The following FBXO15 variants were observed in gnomAD, a reference collection of about 807,000 sequenced individuals.
The protein encoded by FBXO15 is F-box only protein 15.
In FBXO15, 30 loss-of-function variants were observed where a neutral mutation model predicts 49.5. The observed-to-expected ratio is 0.61, with a 90% CI of 0.45 to 0.82. The LOEUF is 0.82. FBXO15 is among the 40% of genes least tolerant of loss of function. The pLI, the probability that FBXO15 is intolerant of heterozygous loss-of-function variation, is 0.00. For missense variants in FBXO15, 591 were observed against 631.5 expected (o/e 0.94, Z 0.69); for synonymous variants, 250 against 232.7 (o/e 1.07, Z -0.68).
At chr18:74,143,751 G>T (rs1979231679) in intron 1 of FBXO15, among the ~76,000 whole-genome samples, 1 of 152,156 alleles carries the variant, frequency 6.6e-6, no homozygotes, top group South Asian at 2.1e-4. Context: ...GTGTCTATAT[G>T]GCTTGCTCCC....
intron 3 of FBXO15, among the ~76,000 whole-genome samples, chr18:74,131,117 C>T (rs1352274281): frequency 6.6e-6 from 1 of 152,078 alleles, no homozygotes; most frequent in Non-Finnish European, 1.5e-5. Flanking sequence ...ACTCTTTTTG[C>T]TATTTTTTAA....
intron 9 of FBXO15, among the ~76,000 whole-genome samples, chr18:74,078,984 C>T (rs1218361166): frequency 6.6e-6 from 1 of 152,182 alleles, no homozygotes; most frequent in Non-Finnish European, 1.5e-5. Flanking sequence ...CCACGGCCAC[C>T]CACAACATGC....
At chr18:74,141,020 AT>A (rs1325075091) in intron 1 of FBXO15, among the ~76,000 whole-genome samples, 7 of 152,214 alleles carry the variant, frequency 4.6e-5, no homozygotes, top group African/African-American at 1.7e-4. Context: ...AAACTTTTAC[AT>A]TTTAACCTCT....
chr18:74,112,218 CA>C (rs2145167908), intron 8 of FBXO15, among the ~76,000 whole-genome samples: 1 of 152,066 alleles, frequency 6.6e-6, no homozygotes, highest in East Asian at 1.9e-4. Flanking sequence ...ATTTCGAAAC[CA>C]AAAACATTGC....
Position 74,118,055 on chromosome 18 carries a change from G to A in FBXO15, c.1138+5313C>T, listed in dbSNP as rs181454954. Reference sequence around the variant, plus strand: ...AGGGTCTTGCTCTGTTGCCCAGGCTGGAGTGCAGGGTCACAATCATGTCTC... The same window carrying A: ...AGGGTCTTGCTCTGTTGCCCAGGCTAGAGTGCAGGGTCACAATCATGTCTC... On this transcript the variant is annotated intron_variant, in intron 8 of 9. Coordinates refer to ENST00000419743, the MANE Select transcript of FBXO15 (RefSeq NM_001142958.2). Among the ~76,000 whole-genome samples, 813 of 150,036 alleles carry A rather than the reference G, an allele frequency of 5.4e-3. 3 individuals carry two copies. Among genetic ancestry groups the A allele is most frequent in the Admixed American group, 8.5e-3 (127 of 15,016 alleles).
chr18:74,077,767 G>A (rs995900935), intron 9 of FBXO15, among the ~76,000 whole-genome samples: 5 of 152,150 alleles, frequency 3.3e-5, no homozygotes. Flanking sequence ...TCCTGGAATG[G>A]GCATTACCAC....
chr18:74,124,410 G>A lies in FBXO15; in HGVS notation c.995+79C>T, dbSNP rs1018491897. The A allele has an allele frequency of 3.5e-6, 4 of 1,155,842 alleles. No individual in the cohort carries two copies. The African/African-American group carries it at 4.6e-5, about 13-fold the overall frequency. The allele number at this position is 1,155,842 out of a possible 1,614,324, so 71.6% of individuals were successfully genotyped here. On this transcript the variant is annotated intron_variant, in intron 7 of 9. Transcript: ENST00000419743. ...CAGAATATCTCTGCAGCTATTCTCAGGATATTAAGATGGCATCAACTTCTA... is the reference window on the plus strand; with the variant it reads ...CAGAATATCTCTGCAGCTATTCTCAAGATATTAAGATGGCATCAACTTCTA...
intron 8 of FBXO15, among the ~76,000 whole-genome samples, chr18:74,122,133 C>T (rs1914500252): frequency 6.6e-6 from 1 of 152,096 alleles, no homozygotes; most frequent in African/African-American, 2.4e-5. Flanking sequence ...CTTTCCAGAC[C>T]TCCCTTTCCT....
At chr18:74,120,424 T>C (rs1914424321) in intron 8 of FBXO15, among the ~76,000 whole-genome samples, 3 of 152,166 alleles carry the variant, frequency 2.0e-5, no homozygotes. Context: ...TTCTGGAACA[T>C]ACAACAAATT....
chr18:74,115,208 G>A (rs535829567), intron 8 of FBXO15, among the ~76,000 whole-genome samples: 5 of 152,334 alleles, frequency 3.3e-5, no homozygotes, highest in African/African-American at 9.6e-5. Context: ...GACACGAGCT[G>A]TTGCCTCAAA....
intron 8 of FBXO15, among the ~76,000 whole-genome samples, chr18:74,109,221 A>G (rs2051056066): frequency 6.6e-6 from 1 of 152,210 alleles, no homozygotes. Flanking sequence ...GCCAATAGAC[A>G]TATGAAAAAA....
chr18:74,110,146 T>A (rs1270067091), intron 8 of FBXO15, among the ~76,000 whole-genome samples: 1 of 146,434 alleles, frequency 6.8e-6, no homozygotes. Context: ...TATATTCTAA[T>A]ATATATACAT....
At chr18:74,102,949 AGGGGAAAGG>A (rs1350048156) in intron 8 of FBXO15, among the ~76,000 whole-genome samples, 1 of 152,018 alleles carries the variant, frequency 6.6e-6, no homozygotes, top group Non-Finnish European at 1.5e-5. Context: ...TGGGGACTCA[AGGGGAAAGG>A]GTGGGAAGTG....
intron 1 of FBXO15, 76 bp from the exon 2 acceptor site, chr18:74,140,388 C>A: frequency 7.7e-7 from 1 of 1,291,756 alleles, no homozygotes; most frequent in Non-Finnish European, 1.0e-6. Context: ...CTACAAAATT[C>A]CAAAGGATTC....
At chr18:74,128,331 C>A (rs1180844267) in intron 5 of FBXO15, among the ~76,000 whole-genome samples, 1 of 142,022 alleles carries the variant, frequency 7.0e-6, no homozygotes, top group Non-Finnish European at 1.5e-5. Context: ...AGTTACAGAG[C>A]TGCAAAAAAA....
At chr18:74,111,328 A>G (rs1159606138) in intron 8 of FBXO15, among the ~76,000 whole-genome samples, 2 of 152,036 alleles carry the variant, frequency 1.3e-5, no homozygotes, top group Non-Finnish European at 2.9e-5. Context: ...ACTGGAAATC[A>G]TACAACGTCT....
chr18:74,074,811 T>C lies in FBXO15; in HGVS notation c.1264-1081A>G, dbSNP rs188030691. On this transcript the variant is annotated intron_variant, in intron 9 of 9. Coordinates refer to ENST00000419743, the MANE Select transcript of FBXO15 (RefSeq NM_001142958.2). This position sits in a 1 kb window ranked among gnomAD's most constrained non-coding sequence, Gnocchi z 4.7. ...TGGTCTGTATATGCCCATACCGCAG[T>C]GGATATGTAAAAAGGCCTGAAGAGC... is the stretch of plus-strand genomic sequence containing the variant. Among the ~76,000 whole-genome samples, 1 of 152,194 alleles carries C rather than the reference T, an allele frequency of 6.6e-6. No homozygotes were observed. The highest frequency in any genetic ancestry group is 1.5e-5 in the Non-Finnish European group (1 of 68,026).
chr18:74,081,206 G>A (rs547356178), intron 9 of FBXO15, among the ~76,000 whole-genome samples: 4 of 152,270 alleles, frequency 2.6e-5, no homozygotes, highest in South Asian at 4.2e-4. Context: ...CTAACAAGGT[G>A]CGCATGCATA....
At chr18:74,146,173 A>G (rs1184445322) in intron 1 of FBXO15, among the ~76,000 whole-genome samples, 1 of 152,240 alleles carries the variant, frequency 6.6e-6, no homozygotes, top group African/African-American at 2.4e-5. Flanking sequence ...CCAACTTAAT[A>G]CGCTTTCTGC....
Sources: gnomAD v4.1 joint callset for allele counts (sites outside exome capture counted in the v4.1 genomes callset) on GRCh38, gnomAD v4.1.1 for gene constraint, Gnocchi (gnomAD v3.1) non-coding constraint, MANE v1.5 for transcripts, NCBI Gene and HGNC (gene_info 2026-07-23, HGNC 2026-07-21) for gene names.